The following FHIT variants were observed in gnomAD, a reference collection of about 807,000 sequenced individuals.
FHIT encodes the protein fragile histidine triad diadenosine triphosphatase, also known as bis(5'-adenosyl)-triphosphatase.
In FHIT, 19 loss-of-function variants were observed where a neutral mutation model predicts 17.9. The ratio of observed to expected loss-of-function variants is 1.06; its 90% CI spans 0.74 to 1.56. FHIT has a LOEUF of 1.56. Ranked by LOEUF, FHIT falls within the 40% of genes most tolerant of loss-of-function variation. FHIT has a pLI of 0.00. For synonymous variants in FHIT, 81 were observed against 69.7 expected, an observed-to-expected ratio of 1.16 and a Z score of -0.81; for missense variants, 248 against 189.2, an observed-to-expected ratio of 1.31 and a Z score of -1.82.
chr3:60,178,476 C>T (rs1701781170), intron 5 of FHIT, among the ~76,000 whole-genome samples: 1 of 152,018 alleles, frequency 6.6e-6, no homozygotes, highest in African/African-American at 2.4e-5. Flanking sequence ...GTCCCAGCTA[C>T]TCAGGAGACT....
At chr3:60,608,580 A>T (rs2038682491) in intron 4 of FHIT, among the ~76,000 whole-genome samples, 1 of 150,814 alleles carries the variant, frequency 6.6e-6, no homozygotes, top group African/African-American at 2.5e-5. Context: ...AGCCTCCTTT[A>T]TTTTTTTTCC....
intron 5 of FHIT, among the ~76,000 whole-genome samples, chr3:60,522,521 T>C (rs1024329292): frequency 6.6e-6 from 1 of 152,154 alleles, no homozygotes; most frequent in African/African-American, 2.4e-5. Flanking sequence ...AGTGGTAGAC[T>C]GGAGTTGCGG....
chr3:60,347,405 C>T (rs1710834823), intron 5 of FHIT, among the ~76,000 whole-genome samples: 1 of 151,868 alleles, frequency 6.6e-6, no homozygotes, highest in South Asian at 2.1e-4. Context: ...AACATGTTTT[C>T]AAGTAAGTTA....
At position 60,744,246 on chromosome 3, in the gene FHIT, TAA is replaced by T. The variant is rs368982395; in HGVS notation, c.-18+77671_-18+77672del. ...TCTCCTTTGCAAATTGGAAGTAATG[TAA>T]AAAAAAAAACAAAACAAAACAAAAA... On this transcript the variant is annotated intron_variant, in intron 4 of 9. Transcript: ENST00000492590. Among the ~76,000 whole-genome samples, 9 of 30,938 alleles carry T rather than the reference TAA, an allele frequency of 2.9e-4. No homozygotes were observed. The South Asian group carries it at 9.3e-3, about 32-fold the overall frequency. 20.3% of individuals were successfully genotyped at this position (30,938 alleles called of 152,430 possible).
chr3:60,553,132 C>A (rs180983), intron 4 of FHIT, among the ~76,000 whole-genome samples: 70,149 of 151,992 alleles, frequency 0.46, 16,474 homozygotes, highest in Admixed American at 0.5. Context: ...TTTTATTAAT[C>A]TTTCTTATAA....
chr3:59,772,314 G>A (rs1702109450), intron 8 of FHIT, among the ~76,000 whole-genome samples: 1 of 152,200 alleles, frequency 6.6e-6, no homozygotes, highest in Non-Finnish European at 1.5e-5. Flanking sequence ...CACGCTATTA[G>A]GCAGAAATCA....
At chr3:61,083,087 T>A (rs769424398) in intron 2 of FHIT, among the ~76,000 whole-genome samples, 7 of 152,244 alleles carry the variant, frequency 4.6e-5, no homozygotes, top group Non-Finnish European at 1.0e-4. Context: ...GCTAGTGATG[T>A]CTTTAGTTCA....
chr3:61,159,463 G>A (rs1398993733), intron 2 of FHIT, among the ~76,000 whole-genome samples: 4 of 152,076 alleles, frequency 2.6e-5, no homozygotes, highest in Admixed American at 1.3e-4. Flanking sequence ...CTGTAGGGGC[G>A]GCCTGGATAC....
At chr3:59,926,751 G>T (rs568035434) in intron 7 of FHIT, among the ~76,000 whole-genome samples, 1 of 152,248 alleles carries the variant, frequency 6.6e-6, no homozygotes, top group Admixed American at 6.5e-5. Flanking sequence ...AGTCATTAGG[G>T]AAATGCAAAT....
intron 7 of FHIT, among the ~76,000 whole-genome samples, chr3:59,943,136 G>A (rs1413635256): frequency 1.3e-5 from 2 of 149,972 alleles, no homozygotes; most frequent in African/African-American, 2.4e-5. Context: ...TAGTTTTGCC[G>A]AGATCTTACA....
At chr3:60,708,959 G>C (rs577481320) in intron 4 of FHIT, among the ~76,000 whole-genome samples, 1 of 151,998 alleles carries the variant, frequency 6.6e-6, no homozygotes, top group Non-Finnish European at 1.5e-5. Flanking sequence ...TTTGTTTCTG[G>C]CAACTGGGTT....
At chr3:59,906,500 C>T (rs1704591332) in intron 8 of FHIT, among the ~76,000 whole-genome samples, 1 of 152,150 alleles carries the variant, frequency 6.6e-6, no homozygotes, top group South Asian at 2.1e-4. Flanking sequence ...AAATTAAAAA[C>T]ATTGAAACCT....
At chr3:60,744,371 T>C (rs782115634) in intron 4 of FHIT, among the ~76,000 whole-genome samples, 7 of 151,644 alleles carry the variant, frequency 4.6e-5, no homozygotes, top group Non-Finnish European at 8.8e-5. Context: ...CTTAGGCAGA[T>C]AGCATGCAGA....
At chr3:59,994,355 A>G (rs975956889) in intron 7 of FHIT, among the ~76,000 whole-genome samples, 22 of 152,212 alleles carry the variant, frequency 1.4e-4, no homozygotes, top group African/African-American at 4.3e-4. Context: ...GCAATACTCA[A>G]TCCATCTGCA....
chr3:60,045,656 A>G (rs1227427050), intron 5 of FHIT, among the ~76,000 whole-genome samples: 1 of 152,086 alleles, frequency 6.6e-6, no homozygotes, highest in Non-Finnish European at 1.5e-5. Flanking sequence ...CTACCTCCCT[A>G]CCTTGCTTTC....
rs556093079 is a variant in FHIT, at chr3:59,934,935, T to C, written c.280-12521A>G. ...TTTGGGTGCGGATGCAGCCAAACCA[T>C]GTCAGTAGAATTTATAATCACTGCC... On this transcript the variant is annotated intron_variant, in intron 7 of 9. Transcript: ENST00000492590. Among the ~76,000 whole-genome samples, 4 of 152,228 alleles carry C rather than the reference T, an allele frequency of 2.6e-5. No homozygotes were observed. The South Asian group carries it at 6.2e-4, about 24-fold the overall frequency.
chr3:60,662,216 G>A (rs13322787), intron 4 of FHIT, among the ~76,000 whole-genome samples: 17,729 of 152,112 alleles, frequency 0.12, 2,036 homozygotes, highest in African/African-American at 0.3. Context: ...TGATTTTTGT[G>A]CAAAGTGAGA....
intron 5 of FHIT, among the ~76,000 whole-genome samples, chr3:60,425,903 G>A (rs539445053): frequency 6.6e-6 from 1 of 152,218 alleles, no homozygotes; most frequent in Admixed American, 6.5e-5. Context: ...AAGGAAAAGT[G>A]TTATGGAAAT....
At chr3:60,356,274 A>T (rs559012981) in intron 5 of FHIT, among the ~76,000 whole-genome samples, 15 of 152,304 alleles carry the variant, frequency 9.8e-5, no homozygotes, top group Admixed American at 6.5e-4. Context: ...TACTAAGCAC[A>T]TCCTCCATTG....
Sources: allele counts gnomAD v4.1 joint callset (sites outside exome capture counted in the v4.1 genomes callset), GRCh38; gene constraint gnomAD v4.1.1; transcripts MANE v1.5; gene names NCBI Gene and HGNC (gene_info 2026-07-23, HGNC 2026-07-21).